The following CAP2 variants were observed in gnomAD, a reference collection of about 807,000 sequenced individuals.
CAP2 encodes the protein cyclase associated actin cytoskeleton regulatory protein 2, also known as adenylyl cyclase-associated protein 2.
In CAP2, 24 loss-of-function variants were observed where a neutral mutation model predicts 57.7. The observed-to-expected ratio is 0.42, with a 90% confidence interval of 0.30 to 0.58. The LOEUF (loss-of-function observed/expected upper bound fraction) is 0.58. Ranked by LOEUF, CAP2 falls within the 20% of genes least tolerant of loss-of-function variation. The pLI is 0.22. For synonymous variants in CAP2, 194 were observed against 207.2 expected (o/e 0.94, Z 0.55); for missense variants, 501 against 590.3 (o/e 0.85, Z 1.57).
chr6:17,429,441 G>A (rs986644802), intron 3 of CAP2, among the ~76,000 whole-genome samples: 3 of 152,104 alleles, frequency 2.0e-5, no homozygotes, highest in African/African-American at 7.2e-5. Context: ...CTATAAATAA[G>A]TATATTTAAC....
At chr6:17,529,417 G>A (rs183436371) in intron 7 of CAP2, among the ~76,000 whole-genome samples, 3,253 of 152,118 alleles carry the variant, frequency 0.021, 122 homozygotes, top group African/African-American at 0.074. Context: ...CAAGGCAGGC[G>A]GATCACGAGG....
At chr6:17,552,557 G>A (rs776660591) in intron 12 of CAP2, among the ~76,000 whole-genome samples, 8 of 152,148 alleles carry the variant, frequency 5.3e-5, no homozygotes, top group Middle Eastern at 3.2e-3. Context: ...ACTTGAACCC[G>A]AGAGGCGGAG....
At chr6:17,426,178 A>T (rs1368859300) in intron 2 of CAP2, among the ~76,000 whole-genome samples, 5 of 152,078 alleles carry the variant, frequency 3.3e-5, no homozygotes, top group African/African-American at 1.2e-4. Context: ...GTGAGAATGA[A>T]ATTGATGATA....
At chr6:17,428,331 G>T (rs189971488) in intron 3 of CAP2, among the ~76,000 whole-genome samples, 2 of 152,048 alleles carry the variant, frequency 1.3e-5, no homozygotes, top group Non-Finnish European at 2.9e-5. Context: ...AGTGAAAATC[G>T]AATGTGATAG....
intron 4 of CAP2, among the ~76,000 whole-genome samples, chr6:17,497,799 C>A (rs1173707585): frequency 6.6e-6 from 1 of 152,190 alleles, no homozygotes; most frequent in Non-Finnish European, 1.5e-5. Context: ...TTTTGCACTA[C>A]CAGTCAAGTA....
At chr6:17,512,925 T>C (rs1762191502) in intron 6 of CAP2, among the ~76,000 whole-genome samples, 1 of 152,200 alleles carries the variant, frequency 6.6e-6, no homozygotes, top group South Asian at 2.1e-4. Flanking sequence ...ACAAGAGCTT[T>C]AATAATAGAG....
At chr6:17,406,155 G>T (rs1404600873) in intron 1 of CAP2, among the ~76,000 whole-genome samples, 1 of 152,038 alleles carries the variant, frequency 6.6e-6, no homozygotes, top group Non-Finnish European at 1.5e-5. Context: ...CCCTTCTTTA[G>T]CTCTCGTCTC....
chr6:17,508,755 C>CTT (rs10635657), intron 6 of CAP2, among the ~76,000 whole-genome samples: 4,094 of 145,032 alleles, frequency 0.028, 184 homozygotes, highest in African/African-American at 0.086. Context: ...AATTCACCTT[C>CTT]TTTTTTTTTT....
chr6:17,393,997 T>C (rs1758606522), intron 1 of CAP2, among the ~76,000 whole-genome samples: 1 of 148,358 alleles, frequency 6.7e-6, no homozygotes, highest in African/African-American at 2.5e-5. Flanking sequence ...CGGCGCGCCC[T>C]GCCCCCGCCT....
chr6:17,544,944 G>T (rs1763006534), intron 11 of CAP2, among the ~76,000 whole-genome samples: 1 of 152,158 alleles, frequency 6.6e-6, no homozygotes, highest in African/African-American at 2.4e-5. Context: ...TAAGGAGGTT[G>T]CTCATCTTCA....
At chr6:17,493,308 C>T (rs568354107) in intron 4 of CAP2, 12 of 260,256 alleles carry the variant, frequency 4.6e-5, no homozygotes, top group African/African-American at 2.7e-4. Context: ...AATAGTGCAC[C>T]TCTCTCTCAC....
At chr6:17,397,517 A>G (rs1486717087) in intron 1 of CAP2, among the ~76,000 whole-genome samples, 3 of 150,388 alleles carry the variant, frequency 2.0e-5, no homozygotes, top group Non-Finnish European at 3.0e-5. Flanking sequence ...ACGTGGTGAA[A>G]CCCCATCTCT....
chr6:17,524,983 G>A (rs1332770531), intron 7 of CAP2, among the ~76,000 whole-genome samples: 6 of 146,828 alleles, frequency 4.1e-5, no homozygotes, highest in African/African-American at 5.1e-5. Context: ...TGCAACCTCT[G>A]CCTTTCGTGT....
intron 7 of CAP2, among the ~76,000 whole-genome samples, chr6:17,514,320 A>G (rs1034656240): frequency 3.9e-5 from 6 of 152,084 alleles, no homozygotes; most frequent in Non-Finnish European, 7.3e-5. Context: ...CCGAGATTGC[A>G]CCATTGCACT....
intron 6 of CAP2, among the ~76,000 whole-genome samples, chr6:17,509,785 T>C (rs1366346850): frequency 6.6e-6 from 1 of 152,170 alleles, no homozygotes; most frequent in East Asian, 1.9e-4. Context: ...GCAGCATTAT[T>C]CATAATAGCC....
At chr6:17,533,962 C>A (rs1441714773) in intron 7 of CAP2, among the ~76,000 whole-genome samples, 1 of 152,136 alleles carries the variant, frequency 6.6e-6, no homozygotes, top group African/African-American at 2.4e-5. Context: ...TTAAGTGACT[C>A]ATTTCATCAA....
intron 6 of CAP2, among the ~76,000 whole-genome samples, chr6:17,510,389 C>T (rs955374607): frequency 2.6e-5 from 4 of 152,186 alleles, no homozygotes; most frequent in Admixed American, 6.5e-5. Flanking sequence ...ATTCCCCTCA[C>T]AGAATTTAGT....
chr6:17,498,613 T>G, intron 4 of CAP2, among the ~76,000 whole-genome samples: 1 of 152,198 alleles, frequency 6.6e-6, no homozygotes, highest in Non-Finnish European at 1.5e-5. Flanking sequence ...GGCATCGTAA[T>G]GATGATCCTG....
At chr6:17,427,293 TCA>T (rs1446116474) in intron 3 of CAP2, among the ~76,000 whole-genome samples, 1 of 152,046 alleles carries the variant, frequency 6.6e-6, no homozygotes, top group Non-Finnish European at 1.5e-5. Context: ...GCTCTTCTAG[TCA>T]CAGTGAGGGA....
Sources: allele counts gnomAD v4.1 joint callset (sites outside exome capture counted in the v4.1 genomes callset), GRCh38; gene constraint gnomAD v4.1.1; transcripts MANE v1.5; gene names NCBI Gene and HGNC (gene_info 2026-07-23, HGNC 2026-07-21).